The following EHBP1 variants were observed in gnomAD, a reference collection of about 807,000 sequenced individuals.
EHBP1 encodes EH domain binding protein 1.
In EHBP1, 55 loss-of-function variants were observed where a neutral mutation model predicts 144.0. The observed-to-expected ratio is 0.38, with a 90% CI of 0.31 to 0.48. The LOEUF is 0.48. Ranked by LOEUF, EHBP1 falls within the 20% of genes least tolerant of loss-of-function variation. EHBP1 has a pLI of 0.98. For synonymous variants in EHBP1, 469 were observed against 472.7 expected (o/e 0.99, Z 0.10); for missense variants, 1,200 against 1,364.2 (o/e 0.88, Z 1.90).
intron 19 of EHBP1, among the ~76,000 whole-genome samples, chr2:63,028,352 C>A (rs150093100): frequency 5.3e-5 from 8 of 152,200 alleles, no homozygotes; most frequent in Admixed American, 3.9e-4. Context: ...ACTGTGCAGG[C>A]AGCTAATTGA....
Position 62,830,153 on chromosome 2 carries a change from G to GACACACACACAC in EHBP1, c.495-834_495-823dup, listed in dbSNP as rs368948717. ...TGGTGCATATATATATATATATATA[G>GACACACACACAC]ACACACACACACACACACACACACA... On this transcript the variant is annotated intron_variant, in intron 6 of 22. Transcript: ENST00000431489. 5.7e-3 allele frequency among the ~76,000 whole-genome samples: 751 copies of GACACACACACAC among 132,144 alleles called. 7 individuals carry two copies. Among genetic ancestry groups the GACACACACACAC allele is most frequent in the Admixed American group, 0.023 (292 of 12,438 alleles). The allele number at this position is 132,144 out of a possible 152,430, so 86.7% of individuals were successfully genotyped here.
At chr2:62,834,968 T>C (rs1320364294) in intron 7 of EHBP1, among the ~76,000 whole-genome samples, 1 of 152,212 alleles carries the variant, frequency 6.6e-6, no homozygotes, top group Non-Finnish European at 1.5e-5. Flanking sequence ...AGTTTATTTT[T>C]TTAAAGACAG....
At chr2:62,841,406 G>A (rs915650634) in intron 7 of EHBP1, among the ~76,000 whole-genome samples, 25 of 151,044 alleles carry the variant, frequency 1.7e-4, no homozygotes, top group Non-Finnish European at 2.7e-4. Flanking sequence ...CGAGTTAGTG[G>A]GTGCAGTGCA....
chr2:62,931,163 T>C (rs1418606654), intron 10 of EHBP1, among the ~76,000 whole-genome samples: 1 of 152,164 alleles, frequency 6.6e-6, no homozygotes, highest in Non-Finnish European at 1.5e-5. Context: ...TATAGGAAAC[T>C]CTTAAAACTT....
Position 63,019,491 on chromosome 2 carries a change from G to C in EHBP1, c.3104-18044G>C, listed in dbSNP as rs528885372. Among the ~76,000 whole-genome samples, 17 of 152,176 alleles carry C rather than the reference G, an allele frequency of 1.1e-4. 1 individual carries two copies. The East Asian group carries it at 3.3e-3, about 30-fold the overall frequency. ...TGGGAGGCCCAGGCGGGCAGATCACGAGGTTATGAGTTTGAGACCAGCCTG... is the reference window on the plus strand; with the variant it reads ...TGGGAGGCCCAGGCGGGCAGATCACCAGGTTATGAGTTTGAGACCAGCCTG... On this transcript the variant is annotated intron_variant, in intron 19 of 22. Coordinates refer to ENST00000431489, the MANE Select transcript of EHBP1 (RefSeq NM_001142616.3).
At chr2:62,690,436 C>T (rs981102645) in intron 1 of EHBP1, among the ~76,000 whole-genome samples, 6 of 151,826 alleles carry the variant, frequency 4.0e-5, no homozygotes, top group African/African-American at 1.2e-4. Flanking sequence ...GTGGTGGGCA[C>T]CTGGAATCCC....
intron 13 of EHBP1, among the ~76,000 whole-genome samples, chr2:62,955,034 AAT>A (rs566535026): frequency 4.9e-4 from 74 of 152,142 alleles, no homozygotes; most frequent in Admixed American, 4.1e-3. Context: ...TTTTTAATGA[AAT>A]ATAATAGCTT....
chr2:62,787,200 C>T (rs1413419504), intron 5 of EHBP1, among the ~76,000 whole-genome samples: 2 of 152,036 alleles, frequency 1.3e-5, no homozygotes, highest in South Asian at 2.1e-4. Flanking sequence ...GTTCTGCTGC[C>T]GTGCTTGAAT....
At chr2:63,001,960 TACCTAGCCA>T (rs1057457470) in intron 19 of EHBP1, among the ~76,000 whole-genome samples, 8 of 152,206 alleles carry the variant, frequency 5.3e-5, no homozygotes, top group Non-Finnish European at 1.2e-4. Flanking sequence ...TGCAAAAAGA[TACCTAGCCA>T]ACCTATTTGG....
chr2:62,883,493 G>T (rs2152883851), intron 10 of EHBP1, among the ~76,000 whole-genome samples: 1 of 152,270 alleles, frequency 6.6e-6, no homozygotes, highest in Non-Finnish European at 1.5e-5. Flanking sequence ...ACCTTTTGCT[G>T]ATCTGGAAGT....
At chr2:63,043,533 A>T (rs1456328779) in intron 21 of EHBP1, among the ~76,000 whole-genome samples, 3 of 152,216 alleles carry the variant, frequency 2.0e-5, no homozygotes, top group Non-Finnish European at 4.4e-5. Context: ...TGAATAAAAC[A>T]GTCTAGCTTT....
intron 10 of EHBP1, among the ~76,000 whole-genome samples, chr2:62,906,423 ATTT>A (rs1428764098): frequency 6.6e-6 from 1 of 152,100 alleles, no homozygotes; most frequent in Non-Finnish European, 1.5e-5. Flanking sequence ...TATCTTGGCT[ATTT>A]TAGATCCTTT....
intron 19 of EHBP1, among the ~76,000 whole-genome samples, chr2:63,021,985 C>G (rs1243249352): frequency 2.0e-5 from 3 of 152,044 alleles, no homozygotes; most frequent in Non-Finnish European, 4.4e-5. Flanking sequence ...CCAGGCTGCT[C>G]TCAAACTCCT....
At chr2:62,998,571 T>G (rs2059730034) in intron 19 of EHBP1, among the ~76,000 whole-genome samples, 1 of 152,140 alleles carries the variant, frequency 6.6e-6, no homozygotes, top group Admixed American at 6.6e-5. Flanking sequence ...TCCTGTTTCC[T>G]CTCCCTCTTT....
At chr2:62,974,301 T>C (rs115323371) in intron 14 of EHBP1, among the ~76,000 whole-genome samples, 177 of 152,290 alleles carry the variant, frequency 1.2e-3, no homozygotes, top group African/African-American at 4.2e-3. Context: ...CAAGCAGTCC[T>C]CCTGAGTAGC....
At chr2:62,837,708 G>A (rs2047401730) in intron 7 of EHBP1, among the ~76,000 whole-genome samples, 1 of 149,940 alleles carries the variant, frequency 6.7e-6, no homozygotes. Flanking sequence ...TGATAAAACA[G>A]ACTTTAAACC....
chr2:62,827,702 C>T (rs1407399732), intron 6 of EHBP1, among the ~76,000 whole-genome samples: 1 of 151,486 alleles, frequency 6.6e-6, no homozygotes, highest in Non-Finnish European at 1.5e-5. Flanking sequence ...GAGTCTCGCT[C>T]TGTCACCCAG....
At chr2:62,899,620 T>C (rs11901070) in intron 10 of EHBP1, among the ~76,000 whole-genome samples, 24,410 of 152,168 alleles carry the variant, frequency 0.16, 2,117 homozygotes, top group Middle Eastern at 0.2. Context: ...CTGTCACAGA[T>C]ATATTACATG....
intron 19 of EHBP1, among the ~76,000 whole-genome samples, chr2:63,031,223 C>T (rs1244120089): frequency 1.3e-5 from 2 of 152,114 alleles, no homozygotes; most frequent in Non-Finnish European, 2.9e-5. Context: ...GGCTATAGGA[C>T]AGGGAGTGGG....
Sources: gnomAD v4.1 joint callset for allele counts (sites outside exome capture counted in the v4.1 genomes callset) on GRCh38, gnomAD v4.1.1 for gene constraint, MANE v1.5 for transcripts, NCBI Gene and HGNC (gene_info 2026-07-23, HGNC 2026-07-21) for gene names.